The following WDPCP variants were observed in gnomAD, a reference collection of about 807,000 sequenced individuals.
WDPCP encodes WD repeat containing planar cell polarity effector, also known as WD repeat-containing and planar cell polarity effector protein fritz homolog.
WDPCP carries 71 observed loss-of-function variants against 93.1 expected under a neutral mutation model. That is an observed-to-expected ratio of 0.76 (90% CI 0.63 to 0.93). The LOEUF (loss-of-function observed/expected upper bound fraction) is 0.93, where lower values mean the gene tolerates loss of function less well. WDPCP is among the 40% of genes least tolerant of loss of function. The pLI is 0.00. For missense variants in WDPCP, 844 were observed against 887.4 expected (o/e 0.95, Z 0.62); for synonymous variants, 315 against 315.0 (o/e 1.00, Z 0.00).
chr2:63,763,839 C>G (rs781740662), intron 2 of WDPCP, among the ~76,000 whole-genome samples: 3 of 152,082 alleles, frequency 2.0e-5, no homozygotes, highest in Non-Finnish European at 4.4e-5. Flanking sequence ...TTAAATCCAG[C>G]TGGCTTCAAA....
chr2:63,833,037 G>C, the WDPCP span, among the ~76,000 whole-genome samples: 7 of 152,312 alleles, frequency 4.6e-5, no homozygotes, highest in East Asian at 1.2e-3. Context: ...AGGATCACTT[G>C]AGGTCAGGAG....
At chr2:63,537,124 A>G (rs1704347204) in intron 1 of WDPCP, among the ~76,000 whole-genome samples, 1 of 152,144 alleles carries the variant, frequency 6.6e-6, no homozygotes, top group Non-Finnish European at 1.5e-5. Context: ...CCTTGGTTCC[A>G]ATCCCATTGA....
chr2:63,622,357 T>C (rs262496), intron 3 of WDPCP: 453,205 of 1,598,008 alleles, frequency 0.28, 71,873 homozygotes, highest in East Asian at 0.73. Context: ...AAACCCTTCA[T>C]AGTCTTGGTC....
intron 2 of WDPCP, among the ~76,000 whole-genome samples, chr2:63,712,131 C>T (rs954141509): frequency 6.6e-6 from 1 of 152,180 alleles, no homozygotes; most frequent in Non-Finnish European, 1.5e-5. Flanking sequence ...TCTCATTAGT[C>T]ATATGAGCTT....
At chr2:63,378,004 C>T (rs1208924366) in intron 12 of WDPCP, 4 of 184,214 alleles carry the variant, frequency 2.2e-5, no homozygotes, top group African/African-American at 9.5e-5. Context: ...TACAGTAATT[C>T]TTAAAGAAAA....
intron 1 of WDPCP, among the ~76,000 whole-genome samples, chr2:63,536,879 C>T (rs1337092132): frequency 7.0e-6 from 1 of 143,254 alleles, no homozygotes; most frequent in Non-Finnish European, 1.5e-5. Context: ...GATTCTTGTG[C>T]CTCAGCCTCC....
At chr2:63,510,595 A>G (rs976206724) in intron 1 of WDPCP, among the ~76,000 whole-genome samples, 1 of 152,192 alleles carries the variant, frequency 6.6e-6, no homozygotes, top group African/African-American at 2.4e-5. Context: ...TATCAGGAAA[A>G]AGAAAGAAAT....
chr2:63,194,348 A>G (rs962993186), intron 14 of WDPCP, among the ~76,000 whole-genome samples: 3 of 152,184 alleles, frequency 2.0e-5, no homozygotes, highest in South Asian at 2.1e-4. Context: ...CAAAAGGGTG[A>G]TAACAGGCAA....
In WDPCP at chr2:63,654,509, C is replaced by G. The variant is rs7593035; in HGVS notation, n.309-3671G>C. On this transcript the variant is annotated intron_variant and non_coding_transcript_variant, in intron 2 of 4. Coordinates refer to the WDPCP transcript ENST00000467687. ...TTGCTGAATATTTGGATGCCTTCTT[C>G]CTTCCTCACTCTCTTGTCTTCTCCT... 2.4e-3 allele frequency among the ~76,000 whole-genome samples: 365 copies of G among 152,310 alleles called. 2 individuals are homozygous for G. The highest frequency in any genetic ancestry group is 8.4e-3 in the African/African-American group (348 of 41,564).
At chr2:63,666,006 T>TTTTGG (rs1307379791) in intron 2 of WDPCP, among the ~76,000 whole-genome samples, 1 of 152,250 alleles carries the variant, frequency 6.6e-6, no homozygotes, top group African/African-American at 2.4e-5. Context: ...GGCAGACATC[T>TTTTGG]GCACAACATG....
intron 13 of WDPCP, among the ~76,000 whole-genome samples, chr2:63,263,613 G>A (rs766510662): frequency 5.3e-5 from 8 of 152,184 alleles, no homozygotes; most frequent in South Asian, 2.1e-4. Flanking sequence ...GTGGTATGCT[G>A]TTGTAGCAGC....
Position 63,334,601 on chromosome 2 carries a change from T to C in WDPCP, c.1749-21290A>G, listed in dbSNP as rs183082001. On this transcript the variant is annotated intron_variant, in intron 12 of 17. Transcript: ENST00000272321. ...TTATCTTAGTGAGTAGAGTGAGTAG[T>C]AGGAGGCTGGTTTGCCCTAAGCAGT... Among the ~76,000 whole-genome samples, 37 of 152,258 alleles carry C rather than the reference T, an allele frequency of 2.4e-4. No homozygotes were observed. The East Asian group carries it at 4.7e-3, about 19-fold the overall frequency.
intron 1 of WDPCP, among the ~76,000 whole-genome samples, chr2:63,537,780 C>T (rs949537064): frequency 2.4e-4 from 37 of 152,304 alleles, no homozygotes; most frequent in Admixed American, 1.2e-3. Context: ...ATCATAACAT[C>T]ATCTTACACA....
At chr2:63,324,525 T>G (rs1687377834) in intron 12 of WDPCP, among the ~76,000 whole-genome samples, 1 of 152,234 alleles carries the variant, frequency 6.6e-6, no homozygotes, top group African/African-American at 2.4e-5. Context: ...AGTTTTCAGA[T>G]GATCCTGATA....
intron 2 of WDPCP, among the ~76,000 whole-genome samples, chr2:63,698,460 GT>G (rs1668992951): frequency 1.3e-5 from 2 of 152,158 alleles, no homozygotes; most frequent in Admixed American, 1.3e-4. Flanking sequence ...GGCAAGCTAT[GT>G]TGAGCACCAA....
chr2:63,518,984 C>A (rs1018868892), intron 1 of WDPCP: 4 of 152,020 alleles, frequency 2.6e-5, no homozygotes, highest in African/African-American at 9.7e-5. Context: ...CAAACCTCAC[C>A]TCCCATTCAC....
chr2:63,616,812 C>T (rs1709677973), intron 3 of WDPCP, among the ~76,000 whole-genome samples: 1 of 151,908 alleles, frequency 6.6e-6, no homozygotes, highest in African/African-American at 2.4e-5. Context: ...AATTACAATC[C>T]ATAGAAGGAT....
At chr2:63,383,065 G>T (rs939979575) in intron 10 of WDPCP, among the ~76,000 whole-genome samples, 2 of 151,900 alleles carry the variant, frequency 1.3e-5, no homozygotes, top group African/African-American at 2.4e-5. Flanking sequence ...ACAAGAGAAA[G>T]AACTCATCTA....
chr2:63,292,002 G>A (rs577992848), intron 13 of WDPCP, among the ~76,000 whole-genome samples: 121 of 150,492 alleles, frequency 8.0e-4, no homozygotes, highest in Non-Finnish European at 1.2e-3. Flanking sequence ...GCGCGGTGGC[G>A]GGCGCCTGTA....
Sources: gnomAD v4.1 joint callset for allele counts (sites outside exome capture counted in the v4.1 genomes callset) on GRCh38, gnomAD v4.1.1 for gene constraint, MANE v1.5 for transcripts, NCBI Gene and HGNC (gene_info 2026-07-23, HGNC 2026-07-21) for gene names.